ARSB: variants seen among roughly 807,000 people sequenced by gnomAD.
ARSB encodes arylsulfatase B, also known as N-acetylgalactosamine-4-sulfatase.
Under a neutral mutation model 50.9 loss-of-function variants are expected in ARSB, and 41 were observed. The observed-to-expected ratio is 0.81, with a 90% CI of 0.63 to 1.04. ARSB has a LOEUF of 1.04. Ranked by LOEUF, ARSB falls within the 50% of genes least tolerant of loss-of-function variation. The pLI, the probability that ARSB is intolerant of heterozygous loss-of-function variation, is 0.00. For missense variants in ARSB, 672 were observed against 693.3 expected (o/e 0.97, Z 0.35); for synonymous variants, 269 against 284.8 (o/e 0.94, Z 0.56).
At chr5:78,816,457 T>C (rs552456643) in intron 6 of ARSB, among the ~76,000 whole-genome samples, 1 of 152,260 alleles carries the variant, frequency 6.6e-6, no homozygotes, top group South Asian at 2.1e-4. Context: ...GAACCCTGGA[T>C]TTCCAGGTGT....
chr5:78,870,826 A>C (rs1747118980), intron 5 of ARSB, among the ~76,000 whole-genome samples: 1 of 151,980 alleles, frequency 6.6e-6, no homozygotes, highest in Admixed American at 6.5e-5. Context: ...GCAATTAGGC[A>C]GGGGAAGGAA....
intron 6 of ARSB, among the ~76,000 whole-genome samples, chr5:78,827,838 A>G (rs1205645756): frequency 6.6e-6 from 1 of 151,982 alleles, no homozygotes; most frequent in Admixed American, 6.6e-5. Flanking sequence ...AAGAGTCTCT[A>G]CAAATAAACT....
chr5:78,931,776 T>C (rs1441116986), intron 4 of ARSB, among the ~76,000 whole-genome samples: 3 of 152,208 alleles, frequency 2.0e-5, no homozygotes, highest in African/African-American at 7.2e-5. Flanking sequence ...TCATCTCGAA[T>C]TGTAATCCCC....
At chr5:78,805,907 A>G (rs1181824431) in intron 6 of ARSB, among the ~76,000 whole-genome samples, 1 of 152,180 alleles carries the variant, frequency 6.6e-6, no homozygotes, top group Non-Finnish European at 1.5e-5. Flanking sequence ...CACCAGGGAG[A>G]GGCACTGTGA....
intron 5 of ARSB, among the ~76,000 whole-genome samples, chr5:78,863,312 G>A (rs983638603): frequency 1.4e-4 from 21 of 152,156 alleles, no homozygotes; most frequent in African/African-American, 4.8e-4. Context: ...GCACACGTAT[G>A]TTTATTGCAG....
rs1748887353 is a variant in ARSB, at chr5:78,780,330, C to T, written c.*67G>A. On this transcript the variant is annotated 3_prime_UTR_variant, in exon 8 of 8. Coordinates refer to ENST00000264914, the MANE Select transcript of ARSB (RefSeq NM_000046.5). ...ACCCAGGTTGGGATAACAAATGAGA[C>T]AAGAGTCGTGAGAAAAGGCCTGAGG... 9 of 1,607,466 alleles carry T rather than the reference C, an allele frequency of 5.6e-6. No homozygotes were observed. The highest frequency in any genetic ancestry group is 2.2e-5 in the East Asian group (1 of 44,860).
chr5:78,806,512 C>T (rs1401809541), intron 6 of ARSB, among the ~76,000 whole-genome samples: 1 of 152,210 alleles, frequency 6.6e-6, no homozygotes, highest in Non-Finnish European at 1.5e-5. Flanking sequence ...CTTTCAGCCT[C>T]CTGTATCCAT....
chr5:78,878,565 T>TTC (rs1747595211), intron 5 of ARSB, among the ~76,000 whole-genome samples: 1 of 115,804 alleles, frequency 8.6e-6, no homozygotes. Flanking sequence ...TTTTATGTGT[T>TTC]TTTTTTTTTT....
chr5:78,847,330 C>T (rs3098689), intron 5 of ARSB, among the ~76,000 whole-genome samples: 94,133 of 151,760 alleles, frequency 0.62, 29,556 homozygotes, highest in Middle Eastern at 0.67. Context: ...TCTCCCTCTG[C>T]TGCCCAGGCT....
At chr5:78,927,395 C>G (rs1043015896) in intron 4 of ARSB, among the ~76,000 whole-genome samples, 1 of 152,056 alleles carries the variant, frequency 6.6e-6, no homozygotes, top group Non-Finnish European at 1.5e-5. Context: ...CAGCACAGAC[C>G]CAGGCCCTTT....
At chr5:78,842,515 C>G (rs146508140) in intron 5 of ARSB, among the ~76,000 whole-genome samples, 5 of 152,044 alleles carry the variant, frequency 3.3e-5, no homozygotes, top group Non-Finnish European at 5.9e-5. Flanking sequence ...TTCCCCAGAC[C>G]GAAGAAGCTG....
chr5:78,791,880 T>TG (rs1554070515), intron 6 of ARSB, among the ~76,000 whole-genome samples: 1 of 152,056 alleles, frequency 6.6e-6, no homozygotes. Flanking sequence ...AGCTGGGAAG[T>TG]GGGGCTGTGC....
chr5:78,936,005 TTC>T (rs1439614757), intron 4 of ARSB, among the ~76,000 whole-genome samples: 96 of 79,806 alleles, frequency 1.2e-3, no homozygotes, highest in African/African-American at 3.4e-3. Flanking sequence ...TTTCTTTTCT[TTC>T]TGTCTTTCTC....
intron 5 of ARSB, among the ~76,000 whole-genome samples, chr5:78,855,662 G>A (rs1746103428): frequency 1.3e-5 from 2 of 152,122 alleles, no homozygotes; most frequent in Admixed American, 6.5e-5. Context: ...CCTTCTCTGG[G>A]GGAAGCACGG....
chr5:78,787,101 T>A (rs977631804), intron 6 of ARSB, among the ~76,000 whole-genome samples: 23 of 150,928 alleles, frequency 1.5e-4, no homozygotes, highest in African/African-American at 5.6e-4. Flanking sequence ...CATCTATCTA[T>A]CTATCTATCT....
intron 5 of ARSB, among the ~76,000 whole-genome samples, chr5:78,856,023 G>C (rs1746126916): frequency 6.6e-6 from 1 of 152,154 alleles, no homozygotes; most frequent in Non-Finnish European, 1.5e-5. Flanking sequence ...TTTTGAGGGA[G>C]AATAGCACTA....
chr5:78,935,250 TAATCAA>T (rs1265973408), intron 4 of ARSB, among the ~76,000 whole-genome samples: 1 of 152,204 alleles, frequency 6.6e-6, no homozygotes, highest in African/African-American at 2.4e-5. Context: ...GTATTCTCAG[TAATCAA>T]AATCAAAGAC....
intron 1 of ARSB, among the ~76,000 whole-genome samples, chr5:78,981,551 A>C (rs1164889856): frequency 6.6e-6 from 1 of 152,248 alleles, no homozygotes; most frequent in Non-Finnish European, 1.5e-5. Context: ...TGCATTTGCC[A>C]AGTTAGAAAC....
intron 5 of ARSB, 44 bp from the exon 6 acceptor site, chr5:78,839,470 TGG>T: frequency 6.6e-7 from 1 of 1,513,280 alleles, no homozygotes; most frequent in Non-Finnish European, 9.2e-7. Context: ...CTCTCTCTAA[TGG>T]GCATGAATTA....
Sources: allele counts gnomAD v4.1 joint callset (sites outside exome capture counted in the v4.1 genomes callset), GRCh38; gene constraint gnomAD v4.1.1; transcripts MANE v1.5; gene names NCBI Gene and HGNC (gene_info 2026-07-23, HGNC 2026-07-21).